SUSD4: variants seen among roughly 807,000 people sequenced by gnomAD.
The protein encoded by SUSD4 is sushi domain containing 4, also known as sushi domain-containing protein 4.
Under a neutral mutation model 50.5 loss-of-function variants are expected in SUSD4, and 41 were observed. That is an observed-to-expected ratio of 0.81 (90% CI 0.63 to 1.05). The LOEUF (loss-of-function observed/expected upper bound fraction) is 1.05. SUSD4 is among the 50% of genes least tolerant of loss of function. The pLI is 0.00. For missense variants in SUSD4, 580 were observed against 634.7 expected (o/e 0.91, Z 0.93); for synonymous variants, 257 against 257.3 (o/e 1.00, Z 0.01).
intron 4 of SUSD4, 103 bp from the exon 5 acceptor site, chr1:223,264,921 A>C (rs1466866857): frequency 1.7e-5 from 21 of 1,238,132 alleles, no homozygotes; most frequent in Non-Finnish European, 2.3e-5. Context: ...CCCACCTCTG[A>C]AGGTGAAAAT....
chr1:223,249,584 G>A (rs1453607267), intron 5 of SUSD4, among the ~76,000 whole-genome samples: 5 of 152,156 alleles, frequency 3.3e-5, no homozygotes, highest in Admixed American at 1.3e-4. Flanking sequence ...GAAGCAATTG[G>A]TCATGCTTTG....
At chr1:223,280,088 A>G (rs1348728418) in intron 3 of SUSD4, among the ~76,000 whole-genome samples, 3 of 152,220 alleles carry the variant, frequency 2.0e-5, no homozygotes, top group Admixed American at 6.5e-5. Context: ...TGAAGGAAGC[A>G]CTAAACATGG....
rs549130621 is a variant in SUSD4, at chr1:223,324,153, T to C, written c.149-31502A>G. Among the ~76,000 whole-genome samples the C allele has an allele frequency of 1.3e-3, 198 of 147,364 alleles. 9 individuals are homozygous for C. The South Asian group carries it at 0.044, about 33-fold the overall frequency. On this transcript the variant is annotated intron_variant, in intron 2 of 8. Coordinates refer to ENST00000366878, the MANE Select transcript of SUSD4 (RefSeq NM_017982.4). ...ATCCCATTGTAATTCCAGTATCTAGTATGGCATCAGGCACATAGTGGGCAT... is the reference window on the plus strand; with the variant it reads ...ATCCCATTGTAATTCCAGTATCTAGCATGGCATCAGGCACATAGTGGGCAT...
intron 5 of SUSD4, among the ~76,000 whole-genome samples, chr1:223,246,905 A>C (rs1312088653): frequency 1.3e-5 from 2 of 152,220 alleles, no homozygotes; most frequent in African/African-American, 2.4e-5. Flanking sequence ...AAATAACTCC[A>C]GGGCATGGGG....
At chr1:223,258,365 T>C (rs1437675499) in intron 5 of SUSD4, among the ~76,000 whole-genome samples, 2 of 152,190 alleles carry the variant, frequency 1.3e-5, no homozygotes, top group African/African-American at 4.8e-5. Flanking sequence ...TTCTTATTTT[T>C]CCTCCTTTTC....
chr1:223,317,241 C>T (rs201736098), intron 2 of SUSD4, among the ~76,000 whole-genome samples: 2 of 152,194 alleles, frequency 1.3e-5, no homozygotes, highest in East Asian at 1.9e-4. Context: ...GTCATCCTCA[C>T]TGCTACACTC....
chr1:223,345,931 C>T (rs1038254496), intron 2 of SUSD4, among the ~76,000 whole-genome samples: 1 of 152,182 alleles, frequency 6.6e-6, no homozygotes, highest in Admixed American at 6.5e-5. Context: ...GCACCTCTCA[C>T]CTGGAGCTCC....
In SUSD4 at chr1:223,231,983, AGCCTTAAAAAGGAAGGAAATCCT is replaced by A. The variant is rs1197142352; in HGVS notation, c.725-2618_725-2596del. On this transcript the variant is annotated intron_variant, in intron 5 of 8. Transcript: ENST00000366878. This position sits in a 1 kb window ranked among gnomAD's most constrained non-coding sequence, Gnocchi z 4.2. ...CAATATACACCACAGAATATTATTC[AGCCTTAAAAAGGAAGGAAATCCT>A]GCCATTTAGGACACAATGGAGAAAC... Among the ~76,000 whole-genome samples, 14 of 152,254 alleles carry A rather than the reference AGCCTTAAAAAGGAAGGAAATCCT, an allele frequency of 9.2e-5. No homozygotes were observed. Among genetic ancestry groups the A allele is most frequent in the Non-Finnish European group, 1.6e-4 (11 of 68,042 alleles).
intron 2 of SUSD4, among the ~76,000 whole-genome samples, chr1:223,342,241 G>A (rs1256263563): frequency 6.6e-6 from 1 of 152,144 alleles, no homozygotes; most frequent in African/African-American, 2.4e-5. Context: ...GTGATATTTT[G>A]TAGATGAAAC....
At chr1:223,235,490 C>A (rs543596407) in intron 5 of SUSD4, among the ~76,000 whole-genome samples, 1 of 152,104 alleles carries the variant, frequency 6.6e-6, no homozygotes, top group Non-Finnish European at 1.5e-5. Context: ...CATTGCCCCC[C>A]CAAATCCTCT....
At chr1:223,276,273 G>A (rs1289278679) in intron 3 of SUSD4, among the ~76,000 whole-genome samples, 1 of 152,236 alleles carries the variant, frequency 6.6e-6, no homozygotes, top group African/African-American at 2.4e-5. Flanking sequence ...ATCTGTGTAT[G>A]TGCTGATGAT....
intron 2 of SUSD4, among the ~76,000 whole-genome samples, chr1:223,333,967 T>C (rs895660057): frequency 6.6e-6 from 1 of 152,128 alleles, no homozygotes; most frequent in Non-Finnish European, 1.5e-5. Context: ...CTCAGTAAAA[T>C]GGCTGAATCT....
At chr1:223,343,382 T>C (rs1364835773) in intron 2 of SUSD4, among the ~76,000 whole-genome samples, 1 of 152,226 alleles carries the variant, frequency 6.6e-6, no homozygotes, top group Non-Finnish European at 1.5e-5. Context: ...TTTGTGATTA[T>C]TGGATTGTTT....
intron 5 of SUSD4, among the ~76,000 whole-genome samples, chr1:223,238,791 T>C (rs1482243094): frequency 6.6e-6 from 1 of 152,016 alleles, no homozygotes; most frequent in Non-Finnish European, 1.5e-5. Flanking sequence ...CATATGGACT[T>C]AGAAGAATGT....
At chr1:223,283,283 A>C (rs528538692) in intron 3 of SUSD4, among the ~76,000 whole-genome samples, 57 of 152,342 alleles carry the variant, frequency 3.7e-4, no homozygotes, top group African/African-American at 1.4e-3. Flanking sequence ...CTACCATCAG[A>C]GTGAACAGGC....
At chr1:223,275,973 C>A (rs963004208) in intron 3 of SUSD4, among the ~76,000 whole-genome samples, 1 of 152,178 alleles carries the variant, frequency 6.6e-6, no homozygotes, top group African/African-American at 2.4e-5. Context: ...CATGGGGTGC[C>A]AAGGAGATCT....
chr1:223,285,954 TAACA>T (rs1664109373), intron 3 of SUSD4, among the ~76,000 whole-genome samples: 1 of 152,068 alleles, frequency 6.6e-6, no homozygotes, highest in Non-Finnish European at 1.5e-5. Flanking sequence ...TTTATCTACA[TAACA>T]AACCTGCACA....
chr1:223,273,853 C>G (rs918027099), intron 3 of SUSD4, among the ~76,000 whole-genome samples: 1 of 152,216 alleles, frequency 6.6e-6, no homozygotes, highest in Non-Finnish European at 1.5e-5. Flanking sequence ...CTGGTGACTC[C>G]TGAACCCTGC....
At chr1:223,256,267 G>A (rs150232151) in intron 5 of SUSD4, among the ~76,000 whole-genome samples, 333 of 152,288 alleles carry the variant, frequency 2.2e-3, no homozygotes, top group Non-Finnish European at 2.6e-3. Context: ...CTCTCCCACG[G>A]AAGGCAGTGC....
Sources: gnomAD v4.1 joint callset for allele counts (sites outside exome capture counted in the v4.1 genomes callset) on GRCh38, gnomAD v4.1.1 for gene constraint, Gnocchi (gnomAD v3.1) non-coding constraint, MANE v1.5 for transcripts, NCBI Gene and HGNC (gene_info 2026-07-23, HGNC 2026-07-21) for gene names.